Variants in PTPRD observed in about 807,000 individuals in gnomAD.
PTPRD encodes receptor-type tyrosine-protein phosphatase delta.
Under a neutral mutation model 214.5 loss-of-function variants are expected in PTPRD, and 34 were observed. The observed-to-expected ratio is 0.16, with a 90% CI of 0.12 to 0.21. PTPRD has a LOEUF of 0.21. Among genes scored for constraint, PTPRD ranks in the 10% least tolerant of loss-of-function variants. The pLI, the probability that PTPRD is intolerant of heterozygous loss-of-function variation, is 1.00. For synonymous variants in PTPRD, 1,128 were observed against 845.7 expected (o/e 1.33, Z -5.79); for missense variants, 2,545 against 2,398.7 (o/e 1.06, Z -1.27).
intron 5 of PTPRD, among the ~76,000 whole-genome samples, chr9:9,857,571 A>C (rs1038384662): frequency 2.0e-5 from 3 of 152,214 alleles, no homozygotes; most frequent in Non-Finnish European, 2.9e-5. Flanking sequence ...ATAATAAATA[A>C]ATAAATAAAA....
chr9:9,813,302 C>G (rs766287027), intron 5 of PTPRD, among the ~76,000 whole-genome samples: 19 of 151,712 alleles, frequency 1.3e-4, no homozygotes, highest in Non-Finnish European at 2.5e-4. Flanking sequence ...AAGATTAGAG[C>G]ATAAATGAAA....
intron 11 of PTPRD, among the ~76,000 whole-genome samples, chr9:8,877,976 C>A (rs1220265159): frequency 6.6e-6 from 1 of 152,160 alleles, no homozygotes; most frequent in Admixed American, 6.5e-5. Context: ...AGAGGGTTGA[C>A]TCTTTCCTTG....
At chr9:9,293,386 G>GT (rs137924508) in intron 9 of PTPRD, among the ~76,000 whole-genome samples, 4,605 of 138,314 alleles carry the variant, frequency 0.033, 136 homozygotes, top group East Asian at 0.084. Context: ...TTGTTTGTTT[G>GT]TTCTTTTTTT....
chr9:10,431,986 G>T (rs537939595), intron 2 of PTPRD, among the ~76,000 whole-genome samples: 1 of 151,892 alleles, frequency 6.6e-6, no homozygotes, highest in East Asian at 1.9e-4. Flanking sequence ...ACATGCACAC[G>T]TATGTTTATT....
At chr9:8,932,115 G>T (rs2098957069) in intron 11 of PTPRD, among the ~76,000 whole-genome samples, 1 of 152,082 alleles carries the variant, frequency 6.6e-6, no homozygotes, top group Admixed American at 6.5e-5. Flanking sequence ...ACCCGCTCCT[G>T]GATTCGTTGA....
chr9:9,086,591 A>G (rs529543367), intron 10 of PTPRD, among the ~76,000 whole-genome samples: 1 of 152,092 alleles, frequency 6.6e-6, no homozygotes, highest in African/African-American at 2.4e-5. Context: ...TCTTGTCCTC[A>G]CCCCTCCCTG....
intron 2 of PTPRD, among the ~76,000 whole-genome samples, chr9:10,357,310 G>C (rs182448896): frequency 6.6e-6 from 1 of 152,112 alleles, no homozygotes; most frequent in South Asian, 2.1e-4. Flanking sequence ...ACATTTTTGA[G>C]CACTCTTTAC....
In PTPRD at chr9:9,955,558, C is replaced by G. The variant is rs925116015; in HGVS notation, c.-471-16948G>C. On this transcript the variant is annotated intron_variant, in intron 4 of 45. Transcript: ENST00000381196. ...TTTTTTTTTGAGACAGAGTCTCGCT[C>G]TGTCGCCCAGGCTTGAGTATAGTGG... Among the ~76,000 whole-genome samples, 3 of 149,420 alleles carry G rather than the reference C, an allele frequency of 2.0e-5. No individual in the cohort carries two copies. The East Asian group carries it at 5.9e-4, about 29-fold the overall frequency.
intron 9 of PTPRD, among the ~76,000 whole-genome samples, chr9:9,355,327 C>T (rs918649087): frequency 6.6e-6 from 1 of 151,502 alleles, no homozygotes; most frequent in African/African-American, 2.4e-5. Flanking sequence ...CATCAAGAGG[C>T]TATTGCTGAA....
At chr9:8,932,370 A>G (rs2098958702) in intron 11 of PTPRD, among the ~76,000 whole-genome samples, 1 of 152,086 alleles carries the variant, frequency 6.6e-6, no homozygotes, top group Non-Finnish European at 1.5e-5. Context: ...CTTTGTTCTC[A>G]TTGGTTTCAA....
intron 7 of PTPRD, among the ~76,000 whole-genome samples, chr9:9,700,010 A>C (rs2097461943): frequency 6.6e-6 from 1 of 152,150 alleles, no homozygotes; most frequent in African/African-American, 2.4e-5. Context: ...CTTTTACAGA[A>C]ATGCTTGGAT....
intron 3 of PTPRD, among the ~76,000 whole-genome samples, chr9:10,211,233 C>A (rs549878977): frequency 4.8e-4 from 73 of 151,936 alleles, no homozygotes; most frequent in African/African-American, 1.7e-3. Flanking sequence ...GAAATAAAAG[C>A]CATTGATTTA....
chr9:9,502,499 G>C (rs2096452279), intron 8 of PTPRD, among the ~76,000 whole-genome samples: 1 of 151,828 alleles, frequency 6.6e-6, no homozygotes. Flanking sequence ...TCTGTTTTGA[G>C]TGTAAAATGA....
At chr9:9,391,979 A>T (rs2065994312) in intron 9 of PTPRD, among the ~76,000 whole-genome samples, 1 of 152,146 alleles carries the variant, frequency 6.6e-6, no homozygotes, top group South Asian at 2.1e-4. Flanking sequence ...AAATGATGAG[A>T]GTAGGGTGTT....
intron 10 of PTPRD, among the ~76,000 whole-genome samples, chr9:9,127,007 TACAC>T (rs146015097): frequency 2.0e-5 from 3 of 148,168 alleles, no homozygotes; most frequent in African/African-American, 7.5e-5. Flanking sequence ...CACACACAGG[TACAC>T]ACACACACAC....
chr9:9,103,236 G>C (rs1379053927), intron 10 of PTPRD, among the ~76,000 whole-genome samples: 1 of 151,806 alleles, frequency 6.6e-6, no homozygotes, highest in African/African-American at 2.4e-5. Context: ...GACACAATTT[G>C]AGAAAAAGGG....
intron 12 of PTPRD, among the ~76,000 whole-genome samples, chr9:8,732,921 A>T (rs2098675576): frequency 6.6e-6 from 1 of 152,234 alleles, no homozygotes; most frequent in Non-Finnish European, 1.5e-5. Flanking sequence ...CATTTTACTC[A>T]TACTAGGTGA....
At chr9:10,279,998 C>A (rs1394076493) in intron 3 of PTPRD, among the ~76,000 whole-genome samples, 1 of 152,112 alleles carries the variant, frequency 6.6e-6, no homozygotes, top group Non-Finnish European at 1.5e-5. Context: ...ATCTCAGTCC[C>A]TTATGATGCT....
chr9:8,404,452 T>C (rs2092766698), intron 36 of PTPRD, 85 bp downstream of exon 36: 2 of 1,502,220 alleles, frequency 1.3e-6, no homozygotes, highest in South Asian at 1.3e-5. Context: ...TCAGAGATGG[T>C]TAATAACCTC....
Sources: gnomAD v4.1 joint callset for allele counts (sites outside exome capture counted in the v4.1 genomes callset) on GRCh38, gnomAD v4.1.1 for gene constraint, MANE v1.5 for transcripts, NCBI Gene and HGNC (gene_info 2026-07-23, HGNC 2026-07-21) for gene names.